MBOAT2: variants seen among roughly 807,000 people sequenced by gnomAD.
The protein encoded by MBOAT2 is membrane bound glycerophospholipid O-acyltransferase 2.
A neutral mutation model predicts 63.4 loss-of-function variants in MBOAT2; 28 were observed. The ratio of observed to expected loss-of-function variants is 0.44; its 90% CI spans 0.33 to 0.61. The LOEUF (loss-of-function observed/expected upper bound fraction) is 0.61, where lower values mean the gene tolerates loss of function less well. MBOAT2 is among the 20% of genes least tolerant of loss of function. MBOAT2 has a pLI of 0.03. For synonymous variants in MBOAT2, 211 were observed against 215.6 expected, an observed-to-expected ratio of 0.98 and a Z score of 0.19; for missense variants, 470 against 605.8, an observed-to-expected ratio of 0.78 and a Z score of 2.35.
At chr2:8,978,982 C>T (rs1447050429) in intron 1 of MBOAT2, among the ~76,000 whole-genome samples, 1 of 151,986 alleles carries the variant, frequency 6.6e-6, no homozygotes, top group Non-Finnish European at 1.5e-5. Flanking sequence ...ACAACATCAG[C>T]ACACTACCTA....
chr2:8,893,509 T>C (rs1313761576), intron 4 of MBOAT2, among the ~76,000 whole-genome samples: 1 of 152,214 alleles, frequency 6.6e-6, no homozygotes, highest in Middle Eastern at 3.2e-3. Flanking sequence ...TTCAATAGTA[T>C]CTGAGACACA....
At chr2:8,886,144 T>A (rs555783157) in intron 5 of MBOAT2, among the ~76,000 whole-genome samples, 4 of 152,298 alleles carry the variant, frequency 2.6e-5, no homozygotes, top group South Asian at 2.1e-4. Flanking sequence ...CAGTAAAAAC[T>A]TTGGGTGCTG....
chr2:8,902,336 G>GTGGTCACCAAAA (rs2148577672), intron 4 of MBOAT2, among the ~76,000 whole-genome samples: 1 of 152,340 alleles, frequency 6.6e-6, no homozygotes, highest in South Asian at 2.1e-4. Context: ...TGGTCCCTTT[G>GTGGTCACCAAAA]TGGTCACCAA....
At chr2:8,929,106 A>T (rs1033140731) in intron 3 of MBOAT2, among the ~76,000 whole-genome samples, 1 of 152,188 alleles carries the variant, frequency 6.6e-6, no homozygotes, top group Admixed American at 6.5e-5. Context: ...TAGATCTCTA[A>T]ATTGGCTGGT....
At chr2:8,929,313 T>C (rs1305858448) in intron 3 of MBOAT2, among the ~76,000 whole-genome samples, 1 of 151,584 alleles carries the variant, frequency 6.6e-6, no homozygotes, top group Non-Finnish European at 1.5e-5. Context: ...CCCATGGCTC[T>C]TACATTTTAT....
chr2:8,909,409 A>G (rs888907810), intron 3 of MBOAT2, among the ~76,000 whole-genome samples: 36 of 152,336 alleles, frequency 2.4e-4, no homozygotes, highest in African/African-American at 8.2e-4. Context: ...AAAGCAAGCT[A>G]TGCCTTCATC....
At chr2:8,889,684 T>C (rs1663846534) in intron 4 of MBOAT2, among the ~76,000 whole-genome samples, 2 of 152,264 alleles carry the variant, frequency 1.3e-5, no homozygotes, top group South Asian at 4.1e-4. Context: ...TGGTGAGTTA[T>C]AAAATTCTCT....
At chr2:8,936,619 T>C (rs1174602100) in intron 3 of MBOAT2, among the ~76,000 whole-genome samples, 1 of 151,446 alleles carries the variant, frequency 6.6e-6, no homozygotes, top group Non-Finnish European at 1.5e-5. Flanking sequence ...CCGTCTCTAC[T>C]AAAAACACAA....
chr2:8,930,859 T>C (rs2356660), intron 3 of MBOAT2, among the ~76,000 whole-genome samples: 6,401 of 151,680 alleles, frequency 0.042, 149 homozygotes, highest in Middle Eastern at 0.058. Flanking sequence ...AAACTTAAAG[T>C]ATAAAAAAAA....
At chr2:8,881,024 G>A (rs16866845) in intron 6 of MBOAT2, among the ~76,000 whole-genome samples, 6,400 of 152,296 alleles carry the variant, frequency 0.042, 148 homozygotes, top group Middle Eastern at 0.058. Flanking sequence ...GAGGTGTCAT[G>A]AGCTTGTTCT....
chr2:8,996,091 C>T (rs1452207990), intron 1 of MBOAT2, among the ~76,000 whole-genome samples: 3 of 152,188 alleles, frequency 2.0e-5, no homozygotes, highest in Non-Finnish European at 4.4e-5. Context: ...ATCTTTGACA[C>T]AGGTGGTCTC....
chr2:8,888,382 A>G (rs1407704164), intron 4 of MBOAT2, among the ~76,000 whole-genome samples: 2 of 152,164 alleles, frequency 1.3e-5, no homozygotes, highest in African/African-American at 4.8e-5. Flanking sequence ...ACATTAGAAA[A>G]CAAGGCCCGG....
intron 9 of MBOAT2, among the ~76,000 whole-genome samples, chr2:8,868,127 A>G (rs991317788): frequency 2.0e-5 from 3 of 152,062 alleles, no homozygotes; most frequent in Non-Finnish European, 4.4e-5. Flanking sequence ...CTCTTCCCCC[A>G]AACACCTCAA....
In MBOAT2 at chr2:8,858,623, T is replaced by G. The variant is rs1661271975; in HGVS notation, c.*56A>C. ...AAACTCAAACCCCTTGAAAAGGTGC[T>G]AAGATTGGTTTCTGTTAACATCAAA... On this transcript the variant is annotated 3_prime_UTR_variant, in exon 13 of 13. Transcript: ENST00000305997. The G allele has an allele frequency of 1.5e-6, 2 of 1,332,630 alleles. No individual in the cohort carries two copies. Among genetic ancestry groups the G allele is most frequent in the Non-Finnish European group, 2.1e-6 (2 of 959,720 alleles). The allele number at this position is 1,332,630 out of a possible 1,614,324, so 82.6% of individuals were successfully genotyped here.
At chr2:8,966,632 G>T (rs1042393417) in intron 1 of MBOAT2, among the ~76,000 whole-genome samples, 4 of 152,264 alleles carry the variant, frequency 2.6e-5, no homozygotes, top group Admixed American at 1.3e-4. Flanking sequence ...GCAAAGGAAA[G>T]AACCATTTTT....
chr2:8,970,919 C>T (rs1275784733), intron 1 of MBOAT2, among the ~76,000 whole-genome samples: 2 of 152,064 alleles, frequency 1.3e-5, no homozygotes, highest in Non-Finnish European at 2.9e-5. Context: ...ACATTCACAG[C>T]CAATTTCTAC....
intron 3 of MBOAT2, among the ~76,000 whole-genome samples, chr2:8,939,629 AG>A (rs1465032283): frequency 6.6e-6 from 1 of 152,194 alleles, no homozygotes; most frequent in African/African-American, 2.4e-5. Context: ...CACAGGTCCT[AG>A]GAAACGGGCT....
chr2:8,922,639 C>G (rs1044423513), intron 3 of MBOAT2, among the ~76,000 whole-genome samples: 2 of 152,184 alleles, frequency 1.3e-5, no homozygotes, highest in African/African-American at 4.8e-5. Flanking sequence ...AATGATTAGT[C>G]GGAGCTTATG....
intron 4 of MBOAT2, among the ~76,000 whole-genome samples, chr2:8,892,863 G>A (rs963048159): frequency 3.9e-5 from 6 of 152,116 alleles, no homozygotes; most frequent in African/African-American, 1.4e-4. Flanking sequence ...AATGTGATGA[G>A]CAAGGAGGAC....
Sources: allele counts gnomAD v4.1 joint callset (sites outside exome capture counted in the v4.1 genomes callset), GRCh38; gene constraint gnomAD v4.1.1; transcripts MANE v1.5; gene names NCBI Gene and HGNC (gene_info 2026-07-23, HGNC 2026-07-21).